Variants in PARP1 observed in about 807,000 individuals in gnomAD.
PARP1 encodes the protein poly(ADP-ribose) polymerase 1.
PARP1 carries 44 observed loss-of-function variants against 118.7 expected under a neutral mutation model. The observed-to-expected ratio is 0.37, with a 90% CI of 0.29 to 0.48. The LOEUF is 0.48. PARP1 is among the 20% of genes least tolerant of loss of function. The pLI, the probability that PARP1 is intolerant of heterozygous loss-of-function variation, is 0.99. For synonymous variants in PARP1, 492 were observed against 483.2 expected, an observed-to-expected ratio of 1.02 and a Z score of -0.24; for missense variants, 1,100 against 1,272.4, an observed-to-expected ratio of 0.86 and a Z score of 2.06.
chr1:226,390,305 G>C (rs1664797415), intron 4 of PARP1, 105 bp downstream of exon 4: 5 of 985,802 alleles, frequency 5.1e-6, no homozygotes, highest in Non-Finnish European at 8.1e-6. Flanking sequence ...CTTACTGACA[G>C]TCAGCGAAGG....
At chr1:226,403,540 T>C (rs1327527641) in intron 1 of PARP1, among the ~76,000 whole-genome samples, 4 of 152,172 alleles carry the variant, frequency 2.6e-5, no homozygotes, top group Non-Finnish European at 4.4e-5. Flanking sequence ...GTATGTAGTG[T>C]GTGTCCCTGC....
rs1327911457 is a variant in PARP1, at chr1:226,385,787, AAG to A, written c.835-109_835-108del. Reference sequence around the variant, plus strand: ...TGCACAGATTCCACTCACTACAAAGAAGAGAGGCTTCTTGCTGTGGGCTTGCT... The same window carrying A: ...TGCACAGATTCCACTCACTACAAAGAAGAGGCTTCTTGCTGTGGGCTTGCT... On this transcript the variant is annotated intron_variant, in intron 6 of 22. Coordinates refer to ENST00000366794, the MANE Select transcript of PARP1 (RefSeq NM_001618.4). 5.9e-6 allele frequency: 6 copies of A among 1,024,590 alleles called. No homozygotes were observed. In the African/African-American group the frequency reaches 9.6e-5, roughly 16 times the overall value. 63.5% of individuals were successfully genotyped at this position (1,024,590 alleles called of 1,614,324 possible).
chr1:226,392,183 G>T lies in PARP1; in HGVS notation c.402+16C>A. ...CAATCCATAAAGTTCAGGGATCTGGGCCCCCAAGATCTTACCTTTTCTATC... is the reference window on the plus strand; with the variant it reads ...CAATCCATAAAGTTCAGGGATCTGGTCCCCCAAGATCTTACCTTTTCTATC... On this transcript the variant is annotated intron_variant, in intron 3 of 22. Coordinates refer to ENST00000366794, the MANE Select transcript of PARP1 (RefSeq NM_001618.4). 1 of 1,503,426 alleles carries T rather than the reference G, an allele frequency of 6.7e-7. No homozygotes were observed. Among genetic ancestry groups the T allele is most frequent in the Non-Finnish European group, 9.3e-7 (1 of 1,078,878 alleles). The allele number at this position is 1,503,426 out of a possible 1,614,324, so 93.1% of individuals were successfully genotyped here. A position where few individuals can be genotyped will look rare whatever the true frequency, so the allele number is the denominator to read the frequency against.
At chr1:226,382,859 G>A (rs1168814202) in intron 8 of PARP1, among the ~76,000 whole-genome samples, 177 bp downstream of exon 8, 16 of 152,206 alleles carry the variant, frequency 1.1e-4, no homozygotes, top group Admixed American at 9.2e-4. Context: ...CTGTGGTCAG[G>A]GGTGTAACAA....
At chr1:226,377,020 G>T in intron 13 of PARP1, 88 bp downstream of exon 13, 2 of 1,145,814 alleles carry the variant, frequency 1.7e-6, no homozygotes, top group Non-Finnish European at 2.6e-6. Context: ...TTACTATGAT[G>T]CCACCTGATC....
chr1:226,361,752 GGA>G, intron 22 of PARP1: 2 of 665,874 alleles, frequency 3.0e-6, no homozygotes, highest in Non-Finnish European at 5.4e-6. Flanking sequence ...GGCAGACTGA[GGA>G]GAGGAGATCA....
At position 226,385,555 on chromosome 1, in the gene PARP1, C is replaced by T. The variant is rs762540847; in HGVS notation, c.960G>A (p.Lys320=). The T allele has an allele frequency of 1.2e-6, 2 of 1,614,198 alleles. No homozygotes were observed. The highest frequency in any genetic ancestry group is 1.7e-6 in the Non-Finnish European group (2 of 1,180,026). The change falls in exon 7 of 23, where the codon AAG becomes AAA. Residue 320 remains lysine, a synonymous_variant. Transcript: ENST00000366794. ...TGGGTGTCTGTGTCTTGACCATACA[C>T]TTGGTCCAGGCAGTGACGTCCCCAG... ...YCTGDVTAWT[K]CMVKTQTPNR...
At chr1:226,403,139 C>T (rs1047060402) in intron 1 of PARP1, among the ~76,000 whole-genome samples, 3 of 152,216 alleles carry the variant, frequency 2.0e-5, no homozygotes, top group Non-Finnish European at 4.4e-5. Flanking sequence ...GGTTTGCTTC[C>T]CACTAGGCCT....
At chr1:226,383,256 T>A (rs574055547) in intron 7 of PARP1, 73 bp from the exon 8 acceptor site, 1 of 1,227,622 alleles carries the variant, frequency 8.1e-7, no homozygotes, top group East Asian at 2.3e-5. Flanking sequence ...CAAAGAGGAT[T>A]TGGCTTGTCC....
intron 14 of PARP1, among the ~76,000 whole-genome samples, chr1:226,372,919 T>G (rs1471674088): frequency 6.6e-6 from 1 of 152,194 alleles, no homozygotes; most frequent in Non-Finnish European, 1.5e-5. Flanking sequence ...CACCCATAAG[T>G]TGTTCACACT....
intron 15 of PARP1, among the ~76,000 whole-genome samples, chr1:226,368,841 C>T (rs933242852): frequency 6.6e-6 from 1 of 152,190 alleles, no homozygotes; most frequent in African/African-American, 2.4e-5. Context: ...AATCCTTACA[C>T]TCACTGCCAG....
At position 226,368,252 on chromosome 1, in the gene PARP1, G is replaced by C. The variant is rs1054401277; in HGVS notation, c.2224C>G (p.His742Asp). 6.2e-7 allele frequency: 1 copy of C among 1,614,220 alleles called. No individual in the cohort carries two copies. Among genetic ancestry groups the C allele is most frequent in the Non-Finnish European group, 8.5e-7 (1 of 1,180,042 alleles). Residue 742 changes from histidine to aspartate, a missense_variant, in exon 16 of 23, where the codon CAC (histidine) becomes GAC (aspartate). Around this residue, in one of 2 missense-constraint regions of PARP1, gnomAD observed 948 missense variants for 1,031.8 expected, o/e 0.92. Coordinates refer to ENST00000366794, the MANE Select transcript of PARP1 (RefSeq NM_001618.4). ...LSNRFYTLIP[H>D]DFGMKKPPLL... ...GGAGGCTTCTTCATCCCAAAGTCGT[G>C]GGGGATCAGGGTGTAAAAGCGATTT... is the stretch of plus-strand genomic sequence containing the variant.
chr1:226,391,229 G>A (rs1303567928), intron 3 of PARP1, among the ~76,000 whole-genome samples: 2 of 151,710 alleles, frequency 1.3e-5, no homozygotes, highest in Non-Finnish European at 2.9e-5. Flanking sequence ...CCACCCCACC[G>A]TGCCCAGCCC....
At chr1:226,381,002 AC>A in intron 9 of PARP1, 65 bp downstream of exon 9, 1 of 1,570,188 alleles carries the variant, frequency 6.4e-7, no homozygotes, top group Non-Finnish European at 8.8e-7. Context: ...TTCCTCACTT[AC>A]TCGTCATCAC....
intron 2 of PARP1, among the ~76,000 whole-genome samples, chr1:226,393,419 C>T (rs1664856336): frequency 6.6e-6 from 1 of 152,138 alleles, no homozygotes; most frequent in African/African-American, 2.4e-5. Context: ...AGATGCCAAT[C>T]AAATTCCTAG....
chr1:226,397,816 G>A (rs1664954118), intron 2 of PARP1, among the ~76,000 whole-genome samples: 1 of 152,102 alleles, frequency 6.6e-6, no homozygotes, highest in Admixed American at 6.5e-5. Flanking sequence ...AAAAGGATAC[G>A]TAGATCAGTG....
At chr1:226,379,019 G>T (rs1286887269) in intron 12 of PARP1, 123 bp downstream of exon 12, 2 of 1,180,276 alleles carry the variant, frequency 1.7e-6, no homozygotes, top group Non-Finnish European at 2.5e-6. Context: ...TTTGATCTCT[G>T]TGATTAGATT....
chr1:226,380,740 T>C (rs1475418976), intron 9 of PARP1, among the ~76,000 whole-genome samples: 1 of 152,218 alleles, frequency 6.6e-6, no homozygotes, highest in African/African-American at 2.4e-5. Context: ...AAATCTGAAA[T>C]GCTCCAATGA....
chr1:226,378,097 T>C (rs143739774), intron 12 of PARP1, among the ~76,000 whole-genome samples: 2 of 152,120 alleles, frequency 1.3e-5, no homozygotes, highest in African/African-American at 4.8e-5. Context: ...ACTACCTTGA[T>C]CTACGTTGAA....
Sources: gnomAD v4.1 joint callset for allele counts (sites outside exome capture counted in the v4.1 genomes callset) on GRCh38, gnomAD v4.1.1 for gene constraint, gnomAD v4.1.1 regional missense constraint, MANE v1.5 for transcripts, NCBI Gene and HGNC (gene_info 2026-07-23, HGNC 2026-07-21) for gene names.